NFKBID: variants seen among roughly 807,000 people sequenced by gnomAD.
NFKBID encodes the protein NFKB inhibitor delta, also known as NF-kappa-B inhibitor delta.
In NFKBID, 26 loss-of-function variants were observed where a neutral mutation model predicts 53.4. The ratio of observed to expected loss-of-function variants is 0.49; its 90% CI spans 0.36 to 0.68. NFKBID has a LOEUF of 0.68. NFKBID is among the 30% of genes least tolerant of loss of function. NFKBID has a pLI of 0.00. For synonymous variants in NFKBID, 262 were observed against 259.8 expected (o/e 1.01, Z -0.08); for missense variants, 493 against 614.1 (o/e 0.80, Z 2.08).
intron 2 of NFKBID, 40 bp downstream of exon 2, chr19:35,898,679 A>G: frequency 6.6e-7 from 1 of 1,516,034 alleles, no homozygotes; most frequent in South Asian, 1.2e-5. Context: ...CCTACGGGAC[A>G]GCACGGGGCC....
exon 11 of NFKBID, chr19:35,889,902 C>T (rs745420614): frequency 7.5e-6 from 12 of 1,608,264 alleles, no homozygotes; most frequent in Admixed American, 1.7e-5. Flanking sequence ...CCTCAGGGCC[C>T]GGCCCGGGCC....
At chr19:35,900,586 C>A (rs1259076918) in exon 1 of NFKBID, 2 of 1,230,988 alleles carry the variant, frequency 1.6e-6, no homozygotes, top group Non-Finnish European at 2.0e-6. Flanking sequence ...GGGGTTATGG[C>A]ACCGCCCAGT....
exon 1 of NFKBID, chr19:35,900,579 GT>G (rs1164852759): frequency 4.9e-6 from 6 of 1,231,162 alleles, no homozygotes; most frequent in Non-Finnish European, 6.1e-6. Context: ...TAAACTAGGG[GT>G]TATGGCACCG....
intron 9 of NFKBID, among the ~76,000 whole-genome samples, chr19:35,893,628 G>A (rs1974931815): frequency 1.3e-5 from 2 of 151,612 alleles, no homozygotes; most frequent in Non-Finnish European, 2.9e-5. Flanking sequence ...AGACCATCCT[G>A]GCTAACACGG....
rs756735289 is a variant in NFKBID at position 35,896,416 on chromosome 19, G to A, written c.807C>T (p.Thr269=). ...CCAAGAGAACTCCTGGGAGCCCGTA[G>A]GTAGCGGCCACGTGCAAGACCGAAC... Residue 269 remains threonine (T), a synonymous_variant, in exon 7 of 12, where the codon ACC becomes ACT. Coordinates refer to ENST00000641389, the Ensembl canonical transcript of NFKBID. The surrounding 1 kb of genome is among the most constrained non-coding windows in gnomAD (Gnocchi z 5.7). 1.2e-6 allele frequency: 2 copies of A among 1,614,214 alleles called. No individual in the cohort carries two copies. The highest frequency in any genetic ancestry group is 2.2e-5 in the South Asian group (2 of 91,088).
At chr19:35,900,823 TTTTC>T (rs1266852105), upstream of NFKBID, among the ~76,000 whole-genome samples, 3 of 137,246 alleles carry the variant, frequency 2.2e-5, no homozygotes, top group South Asian at 6.7e-4. Flanking sequence ...CTTTTTTTTC[TTTTC>T]TTTTTTTTTT....
chr19:35,892,296 C>T (rs1310502141), intron 9 of NFKBID, among the ~76,000 whole-genome samples: 1 of 152,090 alleles, frequency 6.6e-6, no homozygotes, highest in African/African-American at 2.4e-5. Context: ...GAGCAGTCCG[C>T]CCACCTGAGC....
At chr19:35,890,303 G>A in intron 10 of NFKBID, 71 bp downstream of exon 10, 3 of 1,087,810 alleles carry the variant, frequency 2.8e-6, no homozygotes, top group Non-Finnish European at 4.2e-6. Context: ...ACAGCCCCCA[G>A]GACCCCTAAC....
chr19:35,897,673 C>T (rs771670132), exon 4 of NFKBID: 8 of 1,600,258 alleles, frequency 5.0e-6, no homozygotes, highest in South Asian at 1.1e-5. Flanking sequence ...GGGAAATGGG[C>T]ACGGCTGCCC....
chr19:35,891,690 G>A (rs1451773267), intron 9 of NFKBID, among the ~76,000 whole-genome samples: 1 of 152,022 alleles, frequency 6.6e-6, no homozygotes, highest in Admixed American at 6.6e-5. Flanking sequence ...CCAACATGGT[G>A]AAACCGTCTC....
intron 9 of NFKBID, 98 bp downstream of exon 9, chr19:35,895,882 G>A: frequency 1.8e-6 from 2 of 1,130,670 alleles, no homozygotes; most frequent in South Asian, 2.8e-5. Flanking sequence ...ACGCAGCAAG[G>A]AAGAGGCAAA....
At position 35,896,570 on chromosome 19, in the gene NFKBID, C is replaced by T; in HGVS notation, c.685-32G>A. Reference sequence around the variant, plus strand: ...GCCACAGGAGAAGTCAGGTTGGGCTCCTGGTTCCCTCCCGTCAGAAAACCA... The same window carrying T: ...GCCACAGGAGAAGTCAGGTTGGGCTTCTGGTTCCCTCCCGTCAGAAAACCA... On this transcript the variant is annotated intron_variant, in intron 6 of 11. Transcript: ENST00000641389. The surrounding 1 kb of genome is among the most constrained non-coding windows in gnomAD (Gnocchi z 5.7). 1 of 1,611,608 alleles carries T rather than the reference C, an allele frequency of 6.2e-7. No individual in the cohort carries two copies. Among genetic ancestry groups the T allele is most frequent in the East Asian group, 2.2e-5 (1 of 44,842 alleles).
At chr19:35,894,174 G>A (rs1156391447) in intron 9 of NFKBID, among the ~76,000 whole-genome samples, 1 of 151,508 alleles carries the variant, frequency 6.6e-6, no homozygotes, top group Admixed American at 6.6e-5. Flanking sequence ...CAGGAGCATG[G>A]CTTGAACCCG....
intron 9 of NFKBID, among the ~76,000 whole-genome samples, chr19:35,892,476 G>T (rs1419190125): frequency 2.0e-5 from 3 of 151,508 alleles, no homozygotes; most frequent in African/African-American, 7.3e-5. Context: ...CTTGAACCTG[G>T]GAGGTTGCAG....
chr19:35,893,630 C>T (rs1974932007), intron 9 of NFKBID, among the ~76,000 whole-genome samples: 1 of 151,414 alleles, frequency 6.6e-6, no homozygotes, highest in African/African-American at 2.4e-5. Context: ...ACCATCCTGG[C>T]TAACACGGTG....
chr19:35,897,112 T>G, intron 4 of NFKBID, 54 bp from the exon 5 acceptor site: 1 of 1,564,334 alleles, frequency 6.4e-7, no homozygotes, highest in South Asian at 1.2e-5. Context: ...TCCTGGAGGG[T>G]GCAGGTGGTG....
chr19:35,889,713 A>C (rs1461050123), intron 11 of NFKBID, among the ~76,000 whole-genome samples, 177 bp downstream of exon 11: 2 of 152,158 alleles, frequency 1.3e-5, no homozygotes, highest in African/African-American at 2.4e-5. Context: ...TTCTGGGGTA[A>C]AGGATGAAAC....
intron 9 of NFKBID, among the ~76,000 whole-genome samples, chr19:35,892,983 A>T (rs2146945338): frequency 6.6e-6 from 1 of 152,260 alleles, no homozygotes; most frequent in South Asian, 2.1e-4. Context: ...TGGGCAACAT[A>T]GTGAGACCCC....
chr19:35,899,403 A>G (rs1599628643), intron 1 of NFKBID, among the ~76,000 whole-genome samples: 1 of 152,062 alleles, frequency 6.6e-6, no homozygotes, highest in East Asian at 1.9e-4. Flanking sequence ...CGTCTCTACT[A>G]AAAATATAAA....
Sources: gnomAD v4.1 joint callset for allele counts (sites outside exome capture counted in the v4.1 genomes callset) on GRCh38, gnomAD v4.1.1 for gene constraint, Gnocchi (gnomAD v3.1) non-coding constraint, MANE v1.5 for transcripts, NCBI Gene and HGNC (gene_info 2026-07-23, HGNC 2026-07-21) for gene names.